TM9SF4: variants seen among roughly 807,000 people sequenced by gnomAD.
The protein encoded by TM9SF4 is transmembrane 9 superfamily member 4, also known as dinucleotide oxidase disulfide thiol exchanger 3 superfamily member 4.
TM9SF4 carries 26 observed loss-of-function variants against 90.4 expected under a neutral mutation model. The observed-to-expected ratio is 0.29, with a 90% CI of 0.21 to 0.40. The LOEUF is 0.40. TM9SF4 is among the 10% of genes least tolerant of loss of function. The pLI is 1.00. For synonymous variants in TM9SF4, 293 were observed against 315.4 expected, an observed-to-expected ratio of 0.93 and a Z score of 0.75; for missense variants, 549 against 834.8, an observed-to-expected ratio of 0.66 and a Z score of 4.22.
chr20:32,126,446 T>G (rs1163406996), intron 1 of TM9SF4, among the ~76,000 whole-genome samples: 1 of 152,216 alleles, frequency 6.6e-6, no homozygotes, highest in Non-Finnish European at 1.5e-5. Flanking sequence ...GGAACCCTTC[T>G]CTTTTTCCTC....
chr20:32,157,768 G>A, intron 13 of TM9SF4, 26 bp from the exon 14 acceptor site: 1 of 1,612,356 alleles, frequency 6.2e-7, no homozygotes, highest in Non-Finnish European at 8.5e-7. Context: ...GGGCCTCGTG[G>A]GGGCCTCATG....
intron 9 of TM9SF4, 36 bp from the exon 10 acceptor site, chr20:32,149,598 T>C (rs1376466526): frequency 6.2e-7 from 1 of 1,614,100 alleles, no homozygotes; most frequent in Non-Finnish European, 8.5e-7. Context: ...TGCCTCCATC[T>C]TCAACAACCA....
chr20:32,152,049 T>G (rs1316018978), intron 12 of TM9SF4, among the ~76,000 whole-genome samples: 2 of 151,540 alleles, frequency 1.3e-5, no homozygotes, highest in African/African-American at 4.9e-5. Flanking sequence ...TTTTTGTATT[T>G]TTAGTAGAGA....
rs2046678909 is a variant in TM9SF4 at position 32,141,551 on chromosome 20, A to G, written c.284A>G (p.Asn95Ser). 6.2e-7 allele frequency: 1 copy of G among 1,614,130 alleles called. No individual in the cohort carries two copies. Among genetic ancestry groups the G allele is most frequent in the Admixed American group, 1.7e-5 (1 of 60,022 alleles). ...IVNTPFQVLM[N>S]SEKKCEVLCS... ...AACACCCCTTTCCAGGTTCTCATGA[A>G]CAGCGAGAAGAAGTGTGAAGTTCTG... The change falls in exon 4 of 18, where the codon AAC (asparagine) becomes AGC (serine). Residue 95 changes from asparagine (N) to serine (S), a missense_variant. This residue lies in a region of TM9SF4 where 495 missense variants were observed against 711.7 expected (regional missense o/e 0.70). Transcript: ENST00000398022.
intron 9 of TM9SF4, among the ~76,000 whole-genome samples, chr20:32,148,906 A>G (rs915672779): frequency 6.6e-6 from 1 of 152,032 alleles, no homozygotes; most frequent in East Asian, 1.9e-4. Context: ...TCCTGACCTC[A>G]TGATCCGCCC....
At chr20:32,115,366 CT>C (rs1261860220) in intron 1 of TM9SF4, among the ~76,000 whole-genome samples, 1 of 152,160 alleles carries the variant, frequency 6.6e-6, no homozygotes, top group Non-Finnish European at 1.5e-5. Context: ...TCTCTGGGCA[CT>C]GGCAAAAAGG....
intron 3 of TM9SF4, among the ~76,000 whole-genome samples, chr20:32,137,814 A>G (rs1018699740): frequency 6.6e-6 from 1 of 152,156 alleles, no homozygotes; most frequent in Non-Finnish European, 1.5e-5. Context: ...CTTAATTCTC[A>G]CAACTCTAAC....
Position 32,141,845 on chromosome 20 carries a change from G to T in TM9SF4, c.478G>T (p.Asp160Tyr). The T allele has an allele frequency of 6.2e-7, 1 of 1,614,144 alleles. No individual in the cohort carries two copies. The highest frequency in any genetic ancestry group is 8.5e-7 in the Non-Finnish European group (1 of 1,180,030). The change falls in exon 5 of 18, where the codon GAT becomes TAT. Residue 160 changes from aspartate to tyrosine, a missense_variant. Transcript: ENST00000398022. ...CAGCGATGACAAGAAGAAGGAAAAA[G>T]ATGTGCAGTTTGAACACGGCTACCG... Reference protein sequence around the residue: ...RDSDDKKKEKDVQFEHGYRLG... With the variant: ...RDSDDKKKEKYVQFEHGYRLG...
chr20:32,132,271 G>A (rs1055901302), intron 1 of TM9SF4, among the ~76,000 whole-genome samples: 1 of 152,190 alleles, frequency 6.6e-6, no homozygotes, highest in Non-Finnish European at 1.5e-5. Context: ...AGGTGAGGTG[G>A]TGGATGCCTG....
intron 12 of TM9SF4, among the ~76,000 whole-genome samples, chr20:32,152,554 A>G (rs897294456): frequency 1.3e-5 from 2 of 151,906 alleles, no homozygotes; most frequent in Non-Finnish European, 1.5e-5. Context: ...AAGGATTCAG[A>G]CATCTTTGCC....
intron 1 of TM9SF4, among the ~76,000 whole-genome samples, chr20:32,113,692 C>G (rs2046180659): frequency 6.6e-6 from 1 of 152,022 alleles, no homozygotes; most frequent in Non-Finnish European, 1.5e-5. Context: ...AAAATTCACC[C>G]CTTTAAAGTA....
intron 1 of TM9SF4, among the ~76,000 whole-genome samples, chr20:32,115,806 G>GTTTTTTTTTT (rs1243268586): frequency 2.8e-5 from 3 of 106,306 alleles, no homozygotes; most frequent in Non-Finnish European, 5.5e-5. Context: ...ACCACTTTAA[G>GTTTTTTTTTT]CTTTTTTTTT....
intron 9 of TM9SF4, among the ~76,000 whole-genome samples, chr20:32,148,742 C>T (rs998746955): frequency 6.9e-6 from 1 of 144,700 alleles, no homozygotes; most frequent in African/African-American, 2.6e-5. Flanking sequence ...ACAATCTTGG[C>T]TCACTGCAAG....
intron 17 of TM9SF4, among the ~76,000 whole-genome samples, chr20:32,163,268 A>AAATATAT (rs1555886757): frequency 2.7e-5 from 2 of 74,498 alleles, no homozygotes; most frequent in African/African-American, 5.9e-5. Flanking sequence ...AAAAAAAAAA[A>AAATATAT]ATATATATAT....
chr20:32,158,609 C>G, intron 15 of TM9SF4, 95 bp downstream of exon 15: 1 of 1,260,444 alleles, frequency 7.9e-7, no homozygotes. Context: ...TGAGAAAGTT[C>G]AGATGGGCCA....
chr20:32,128,301 A>G (rs993785986), intron 1 of TM9SF4, among the ~76,000 whole-genome samples: 2 of 152,250 alleles, frequency 1.3e-5, no homozygotes, highest in Non-Finnish European at 2.9e-5. Context: ...CATCTGGGAT[A>G]GACACTTCTA....
chr20:32,127,575 C>G (rs972429851), intron 1 of TM9SF4, among the ~76,000 whole-genome samples: 1 of 152,162 alleles, frequency 6.6e-6, no homozygotes, highest in African/African-American at 2.4e-5. Context: ...CTCAGTGACT[C>G]TGGCTTCTTG....
chr20:32,126,242 G>A (rs1388631957), intron 1 of TM9SF4, among the ~76,000 whole-genome samples: 3 of 151,984 alleles, frequency 2.0e-5, no homozygotes, highest in Admixed American at 1.3e-4. Flanking sequence ...CAAAAGTGTC[G>A]TCATTACCTA....
chr20:32,140,548 T>C (rs889135947), intron 3 of TM9SF4, among the ~76,000 whole-genome samples: 1 of 152,172 alleles, frequency 6.6e-6, no homozygotes, highest in Non-Finnish European at 1.5e-5. Flanking sequence ...CGGATGCTGA[T>C]GATAAAAGAG....
Sources: gnomAD v4.1 joint callset for allele counts (sites outside exome capture counted in the v4.1 genomes callset) on GRCh38, gnomAD v4.1.1 for gene constraint, gnomAD v4.1.1 regional missense constraint, MANE v1.5 for transcripts, NCBI Gene and HGNC (gene_info 2026-07-23, HGNC 2026-07-21) for gene names.